The following FBXW10B variants were observed in gnomAD, a reference collection of about 807,000 sequenced individuals.
FBXW10B encodes the protein F-box and WD repeat domain containing protein 10B.
chr17:15,605,384 A>G, the FBXW10B span: 1 of 1,580,400 alleles, frequency 6.3e-7, no homozygotes, highest in South Asian at 1.2e-5. Context: ...CAGCTATCAG[A>G]TCTCCCCCGG....
chr17:15,608,475 C>T, the FBXW10B span, among the ~76,000 whole-genome samples: 3 of 147,600 alleles, frequency 2.0e-5, no homozygotes, highest in African/African-American at 5.0e-5. Flanking sequence ...TTTTTTAAGA[C>T]GGAGTTTCAC....
At chr17:15,607,216 TTCTC>T in the FBXW10B span, among the ~76,000 whole-genome samples, 2 of 150,336 alleles carry the variant, frequency 1.3e-5, no homozygotes, top group African/African-American at 2.5e-5. Flanking sequence ...AACTTTGCCT[TTCTC>T]TATACATTTT....
chr17:15,577,509 A>C, the FBXW10B span, among the ~76,000 whole-genome samples: 5 of 152,214 alleles, frequency 3.3e-5, no homozygotes, highest in Non-Finnish European at 5.9e-5. Context: ...TTATAATCAG[A>C]AAATGCCCAG....
At chr17:15,576,185 AT>A in the FBXW10B span, among the ~76,000 whole-genome samples, 1 of 152,132 alleles carries the variant, frequency 6.6e-6, no homozygotes, top group East Asian at 1.9e-4. Context: ...TTATATATAT[AT>A]TTTTAGTGAT....
the FBXW10B span, among the ~76,000 whole-genome samples, chr17:15,600,815 C>A: frequency 6.6e-6 from 1 of 151,858 alleles, no homozygotes; most frequent in East Asian, 1.9e-4. Context: ...TTTGGTAGGC[C>A]GAGGTGGGCA....
chr17:15,598,835 TA>T, the FBXW10B span: 1 of 1,218,948 alleles, frequency 8.2e-7, no homozygotes, highest in East Asian at 2.6e-5. Flanking sequence ...TTGAGGAAGT[TA>T]ATTTCTGTGT....
chr17:15,609,644 A>C, the FBXW10B span, among the ~76,000 whole-genome samples: 1 of 151,988 alleles, frequency 6.6e-6, no homozygotes, highest in East Asian at 1.9e-4. Context: ...TCCTCGATCT[A>C]TGGTGAAATC....
the FBXW10B span, among the ~76,000 whole-genome samples, chr17:15,579,083 A>C: frequency 6.6e-6 from 1 of 151,638 alleles, no homozygotes; most frequent in South Asian, 2.1e-4. Context: ...CAGGAGGCTG[A>C]GGTGGGAGAA....
the FBXW10B span, among the ~76,000 whole-genome samples, chr17:15,592,210 A>G: frequency 2.0e-5 from 3 of 152,110 alleles, no homozygotes; most frequent in Admixed American, 6.6e-5. Context: ...TGTCATTCCA[A>G]TAAGAAATCC....
At chr17:15,618,959 C>G in the FBXW10B span, 15 of 1,589,368 alleles carry the variant, frequency 9.4e-6, no homozygotes, top group Non-Finnish European at 1.2e-5. Context: ...TGAAGCCTTG[C>G]CTTCTGGTCT....
chr17:15,600,058 T>C, the FBXW10B span, among the ~76,000 whole-genome samples: 1 of 151,424 alleles, frequency 6.6e-6, no homozygotes, highest in East Asian at 2.0e-4. Context: ...CTACTAAAAA[T>C]ACAAAACATT....
the FBXW10B span, among the ~76,000 whole-genome samples, chr17:15,607,220 C>G: frequency 2.0e-5 from 3 of 149,774 alleles, no homozygotes; most frequent in Non-Finnish European, 4.4e-5. Flanking sequence ...TTGCCTTTCT[C>G]TATACATTTT....
the FBXW10B span, chr17:15,588,992 G>A: frequency 5.0e-5 from 80 of 1,612,676 alleles, no homozygotes; most frequent in Admixed American, 6.7e-5. Flanking sequence ...CCACTGAAAA[G>A]GATCAGCATT....
At chr17:15,586,530 T>G in the FBXW10B span, among the ~76,000 whole-genome samples, 2 of 151,728 alleles carry the variant, frequency 1.3e-5, no homozygotes, top group Admixed American at 6.6e-5. Flanking sequence ...GTACAAAAAA[T>G]TTTTGAAATC....
At chr17:15,566,277 A>G in the FBXW10B span, 1 of 1,599,818 alleles carries the variant, frequency 6.3e-7, no homozygotes, top group African/African-American at 1.5e-5. Context: ...GGATTTTCCA[A>G]GACTTTTTCT....
At chr17:15,603,517 C>T in the FBXW10B span, among the ~76,000 whole-genome samples, 1 of 152,096 alleles carries the variant, frequency 6.6e-6, no homozygotes, top group Non-Finnish European at 1.5e-5. Context: ...CAATAAAACA[C>T]AGTGGGTTTT....
chr17:15,598,529 C>T, the FBXW10B span: 1 of 1,613,774 alleles, frequency 6.2e-7, no homozygotes, highest in Non-Finnish European at 8.5e-7. Context: ...ACTTCTTTCT[C>T]ACCTTTTACC....
At chr17:15,566,653 C>T in the FBXW10B span, among the ~76,000 whole-genome samples, 9 of 151,842 alleles carry the variant, frequency 5.9e-5, no homozygotes, top group East Asian at 2.0e-4. Flanking sequence ...CTCTGCCTTC[C>T]GGGTTCACGC....
At chr17:15,602,600 AT>A in the FBXW10B span, among the ~76,000 whole-genome samples, 3,424 of 73,628 alleles carry the variant, frequency 0.047, 481 homozygotes, top group African/African-American at 0.18. Flanking sequence ...TCATATTGAG[AT>A]TTTTTTTTTT....
Sources: allele counts gnomAD v4.1 joint callset (sites outside exome capture counted in the v4.1 genomes callset), GRCh38; gene constraint gnomAD v4.1.1; transcripts MANE v1.5; gene names NCBI Gene and HGNC (gene_info 2026-07-23, HGNC 2026-07-21).